HMCN1: variants seen among roughly 807,000 people sequenced by gnomAD.
The protein encoded by HMCN1 is hemicentin-1.
Under a neutral mutation model 625.9 loss-of-function variants are expected in HMCN1, and 321 were observed. The ratio of observed to expected loss-of-function variants is 0.51; its 90% CI spans 0.47 to 0.56. The LOEUF is 0.56. Among genes scored for constraint, HMCN1 ranks in the 20% least tolerant of loss-of-function variants. The pLI, the probability that HMCN1 is intolerant of heterozygous loss-of-function variation, is 0.00. For synonymous variants in HMCN1, 2,425 were observed against 2,417.6 expected, an observed-to-expected ratio of 1.00 and a Z score of -0.09; for missense variants, 6,588 against 6,887.3, an observed-to-expected ratio of 0.96 and a Z score of 1.54.
At chr1:186,074,981 T>G (rs1007557750) in intron 53 of HMCN1, 90 bp downstream of exon 53, 7 of 1,085,856 alleles carry the variant, frequency 6.4e-6, no homozygotes, top group Non-Finnish European at 8.2e-6. Context: ...AACAGTGTTT[T>G]TTTCTGTTGA....
At position 186,117,059 on chromosome 1, in the gene HMCN1, G is replaced by A; in HGVS notation, c.11627G>A (p.Cys3876Tyr). 6.2e-7 allele frequency: 1 copy of A among 1,613,538 alleles called. No individual in the cohort carries two copies. Among genetic ancestry groups the A allele is most frequent in the Non-Finnish European group, 8.5e-7 (1 of 1,179,568 alleles). ...PSVDDTATYECTVTNGAGDDK... is the reference protein window; with the variant it reads ...PSVDDTATYEYTVTNGAGDDK... ...GTGGATGACACTGCAACCTATGAAT[G>A]TACTGTGACAAACGGTGCTGGAGAT... Residue 3876 changes from cysteine to tyrosine, a missense_variant, in exon 76 of 107, where the codon TGT becomes TAT. Cys to Tyr is a radical substitution (Grantham distance 194). Around this residue, in one of 3 missense-constraint regions of HMCN1, gnomAD observed 4,628 missense variants for 4,853.1 expected, o/e 0.95. Coordinates refer to ENST00000271588, the MANE Select transcript of HMCN1 (RefSeq NM_031935.3).
intron 1 of HMCN1, among the ~76,000 whole-genome samples, chr1:185,774,302 T>A (rs1416189538): frequency 1.3e-5 from 2 of 152,170 alleles, no homozygotes; most frequent in Non-Finnish European, 2.9e-5. Flanking sequence ...TGTGAAGGGC[T>A]GCATTTAAAT....
In HMCN1 at chr1:186,144,559, A is replaced by C. The variant is rs773263064; in HGVS notation, c.14122A>C (p.Ser4708Arg). The change falls in exon 91 of 107, where the codon AGT (serine) becomes CGT (arginine). Residue 4708 changes from serine (S) to arginine (R), a missense_variant. Coordinates refer to ENST00000271588, the MANE Select transcript of HMCN1 (RefSeq NM_031935.3). Reference sequence around the variant, plus strand: ...TCATGGCAAGTGGGCGACTTGGGCCAGTTGGAGTGCCTGTTCTGTGTCATG... The same window carrying C: ...TCATGGCAAGTGGGCGACTTGGGCCCGTTGGAGTGCCTGTTCTGTGTCATG... ...PIHGKWATWASWSACSVSCGG... is the reference protein window; with the variant it reads ...PIHGKWATWARWSACSVSCGG... The C allele has an allele frequency of 2.5e-6, 4 of 1,614,108 alleles. No homozygotes were observed. The highest frequency in any genetic ancestry group is 3.4e-6 in the Non-Finnish European group (4 of 1,179,992).
chr1:185,790,903 A>G (rs1198522919), intron 1 of HMCN1, among the ~76,000 whole-genome samples: 8 of 152,180 alleles, frequency 5.3e-5, no homozygotes, highest in African/African-American at 2.4e-5. Context: ...ATGAGAGACT[A>G]ATGGTGTATA....
chr1:185,850,466 A>G (rs1233881673), intron 2 of HMCN1, among the ~76,000 whole-genome samples: 1 of 152,040 alleles, frequency 6.6e-6, no homozygotes, highest in Non-Finnish European at 1.5e-5. Context: ...GAGACCTGGC[A>G]CAGGCTTCCT....
intron 4 of HMCN1, among the ~76,000 whole-genome samples, chr1:185,895,380 A>G (rs16824658): frequency 0.071 from 10,824 of 152,188 alleles, 1,349 homozygotes; most frequent in African/African-American, 0.25. Context: ...GCAATACTGT[A>G]GTCATTTTTC....
intron 4 of HMCN1, among the ~76,000 whole-genome samples, chr1:185,869,506 CTGAT>C (rs1663474884): frequency 1.3e-5 from 2 of 152,048 alleles, no homozygotes; most frequent in South Asian, 2.1e-4. Context: ...AATTAGATGT[CTGAT>C]TGTTACTTGG....
intron 4 of HMCN1, among the ~76,000 whole-genome samples, chr1:185,867,166 A>G (rs966077176): frequency 7.2e-5 from 11 of 152,344 alleles, no homozygotes; most frequent in African/African-American, 2.2e-4. Context: ...TATAAAATTA[A>G]TCTTAAAAAT....
intron 15 of HMCN1, among the ~76,000 whole-genome samples, chr1:185,972,174 C>G (rs1213682739): frequency 6.6e-6 from 1 of 152,192 alleles, no homozygotes; most frequent in Non-Finnish European, 1.5e-5. Context: ...TTAGACTTGT[C>G]TGGCTCTAGA....
chr1:186,161,646 T>G (rs1356746599), intron 97 of HMCN1, among the ~76,000 whole-genome samples: 2 of 152,128 alleles, frequency 1.3e-5, no homozygotes, highest in Non-Finnish European at 2.9e-5. Context: ...CATTTGCTTG[T>G]CTGTAAAGTG....
rs200642597 is a variant in HMCN1, at chr1:186,128,133, C to T, written c.12746C>T (p.Thr4249Ile). 1.6e-4 allele frequency: 262 copies of T among 1,613,652 alleles called. No homozygotes were observed. Among genetic ancestry groups the T allele is most frequent in the Admixed American group, 2.0e-4 (12 of 59,966 alleles). The change falls in exon 83 of 107, where the codon ACA becomes ATA. Residue 4249 changes from threonine (T) to isoleucine (I), a missense_variant. Thr to Ile is a moderately conservative substitution (Grantham distance 89). Coordinates refer to ENST00000271588, the MANE Select transcript of HMCN1 (RefSeq NM_031935.3). ...CVANNAAGEDTHTVSLTVHVL... is the reference protein window; with the variant it reads ...CVANNAAGEDIHTVSLTVHVL... Reference sequence around the variant, plus strand: ...GCTAACAATGCTGCAGGTGAAGATACACACACTGTCAGCCTGACTGTGCAT... The same window carrying T: ...GCTAACAATGCTGCAGGTGAAGATATACACACTGTCAGCCTGACTGTGCAT...
At chr1:186,174,707 G>T (rs756639440) in intron 103 of HMCN1, 65 bp downstream of exon 103, 1 of 1,454,998 alleles carries the variant, frequency 6.9e-7, no homozygotes, top group Non-Finnish European at 9.6e-7. Flanking sequence ...TTACCAACTC[G>T]CTTAGGGCCA....
intron 20 of HMCN1, among the ~76,000 whole-genome samples, chr1:185,987,791 C>G (rs1652101884): frequency 6.6e-6 from 1 of 151,984 alleles, no homozygotes; most frequent in African/African-American, 2.4e-5. Flanking sequence ...CCTCCACTCC[C>G]CAGAGAAGCT....
At chr1:185,752,032 G>A (rs1463526234) in intron 1 of HMCN1, among the ~76,000 whole-genome samples, 1 of 152,060 alleles carries the variant, frequency 6.6e-6, no homozygotes, top group Non-Finnish European at 1.5e-5. Flanking sequence ...GGAGTCTGGT[G>A]CACCTTGGCT....
In HMCN1 at chr1:186,082,894, C is replaced by T; in HGVS notation, c.8817C>T (p.Gly2939=). 1 of 1,589,678 alleles carries T rather than the reference C, an allele frequency of 6.3e-7. No individual in the cohort carries two copies. The highest frequency in any genetic ancestry group is 1.7e-5 in the Admixed American group (1 of 58,674). The part of the protein sequence containing the change: ...QILNTQITDI[G]RYVCVAENTA... ...TGAATACTCAAATAACAGATATCGGCAGGTATGTGTGTGTTGCTGAGAACA... is the reference window on the plus strand; with the variant it reads ...TGAATACTCAAATAACAGATATCGGTAGGTATGTGTGTGTTGCTGAGAACA... Residue 2939 remains glycine, a synonymous_variant, in exon 57 of 107, where the codon GGC becomes GGT. Coordinates refer to ENST00000271588, the MANE Select transcript of HMCN1 (RefSeq NM_031935.3).
At chr1:185,810,249 G>A (rs1320963229) in intron 1 of HMCN1, among the ~76,000 whole-genome samples, 1 of 152,054 alleles carries the variant, frequency 6.6e-6, no homozygotes, top group African/African-American at 2.4e-5. Flanking sequence ...AGCTTTAATA[G>A]GGAAAATGTG....
At chr1:185,884,322 C>T (rs7518783) in intron 4 of HMCN1, among the ~76,000 whole-genome samples, 9,665 of 151,892 alleles carry the variant, frequency 0.064, 1,080 homozygotes, top group African/African-American at 0.22. Context: ...CTTTTGCATG[C>T]ACAGATTGTT....
At position 185,909,401 on chromosome 1, in the gene HMCN1, T is replaced by G; in HGVS notation, c.686T>G (p.Leu229Trp). 1 of 1,613,472 alleles carries G rather than the reference T, an allele frequency of 6.2e-7. No homozygotes were observed. Among genetic ancestry groups the G allele is most frequent in the Non-Finnish European group, 8.5e-7 (1 of 1,179,486 alleles). ...SKVHLLSTDH[L>W]EQAVNTWRIP... ...GTTCACCTTTTATCCACAGATCATT[T>G]GGAACAGGCTGTAAATACTTGGAGA... Residue 229 changes from leucine to tryptophan, a missense_variant, in exon 5 of 107, where the codon TTG becomes TGG. By Grantham distance (61) the Leu-to-Trp change is moderately conservative (BLOSUM62 -2). Coordinates refer to ENST00000271588, the MANE Select transcript of HMCN1 (RefSeq NM_031935.3).
intron 30 of HMCN1, among the ~76,000 whole-genome samples, chr1:186,011,246 T>C (rs1012754126): frequency 2.0e-5 from 3 of 152,092 alleles, no homozygotes; most frequent in Non-Finnish European, 2.9e-5. Context: ...GGCATTTCAC[T>C]GTGTTAGCCA....
Sources: gnomAD v4.1 joint callset for allele counts (sites outside exome capture counted in the v4.1 genomes callset) on GRCh38, gnomAD v4.1.1 for gene constraint, gnomAD v4.1.1 regional missense constraint, MANE v1.5 for transcripts, NCBI Gene and HGNC (gene_info 2026-07-23, HGNC 2026-07-21) for gene names.